Variants in TENT4A observed in about 807,000 individuals in gnomAD.
The protein encoded by TENT4A is DNA polymerase kappa.
In TENT4A, 7 loss-of-function variants were observed where a neutral mutation model predicts 72.8. The observed-to-expected ratio is 0.10, with a 90% CI of 0.05 to 0.18. TENT4A has a LOEUF of 0.18. Ranked by LOEUF, TENT4A falls within the 10% of genes least tolerant of loss-of-function variation. The probability of loss-of-function intolerance (pLI) is 1.00; values close to 1 mark genes in which losing one functional copy is unlikely to be tolerated. For synonymous variants in TENT4A, 456 were observed against 434.3 expected, an observed-to-expected ratio of 1.05 and a Z score of -0.62; for missense variants, 831 against 1,017.7, an observed-to-expected ratio of 0.82 and a Z score of 2.50.
chr5:6,752,904 G>A lies in TENT4A; in HGVS notation c.2051G>A (p.Gly684Glu). ...TTTACTATACCTCCACCGACCCTAG[G>A]GGTTGCTCCTGTTCCTTGCAGACAA... ...TRFTIPPPTL[G>E]VAPVPCRQAG... The change falls in exon 12 of 13, where the codon GGG (glycine) becomes GAG (glutamate). Residue 684 changes from glycine to glutamate, a missense_variant. By Grantham distance (98) the Gly-to-Glu change is moderately conservative. Around this residue, in one of 3 missense-constraint regions of TENT4A, gnomAD observed 332 missense variants for 324.3 expected, o/e 1.02. Transcript: ENST00000230859. 6.2e-7 allele frequency: 1 copy of A among 1,614,108 alleles called. No homozygotes were observed. Among genetic ancestry groups the A allele is most frequent in the South Asian group, 1.1e-5 (1 of 91,070 alleles).
At chr5:6,741,397 CGTGA>C (rs1415391405) in intron 4 of TENT4A, among the ~76,000 whole-genome samples, 3 of 151,994 alleles carry the variant, frequency 2.0e-5, no homozygotes, top group East Asian at 3.9e-4. Flanking sequence ...GGGTTCCTGC[CGTGA>C]GTGAGTGTGT....
chr5:6,746,196 G>T lies in TENT4A; in HGVS notation c.1246-18G>T, dbSNP rs368213842. 1 of 1,613,962 alleles carries T rather than the reference G, an allele frequency of 6.2e-7. No homozygotes were observed. Among genetic ancestry groups the T allele is most frequent in the African/African-American group, 1.3e-5 (1 of 74,930 alleles). ...ATGCCATGAATCCATACAAATTGTG[G>T]GTGCATTGCTTTTACAGTTGCATCC... On this transcript the variant is annotated intron_variant, in intron 6 of 12. Coordinates refer to ENST00000230859, the MANE Select transcript of TENT4A (RefSeq NM_006999.6).
intron 1 of TENT4A, among the ~76,000 whole-genome samples, chr5:6,724,399 A>G (rs1270436052): frequency 3.9e-5 from 6 of 152,218 alleles, no homozygotes; most frequent in Admixed American, 3.9e-4. Context: ...AATATAGAAA[A>G]GGATACCTTG....
At chr5:6,722,085 GCTCTTGA>G (rs1740682198) in intron 1 of TENT4A, among the ~76,000 whole-genome samples, 1 of 152,182 alleles carries the variant, frequency 6.6e-6, no homozygotes, top group South Asian at 2.1e-4. Context: ...CACGTGCTTG[GCTCTTGA>G]GAGCCTAGCT....
At chr5:6,747,547 T>C (rs907017820) in intron 7 of TENT4A, among the ~76,000 whole-genome samples, 1 of 152,216 alleles carries the variant, frequency 6.6e-6, no homozygotes, top group Non-Finnish European at 1.5e-5. Flanking sequence ...TTGTTGTTTA[T>C]AGATGGCATG....
At chr5:6,730,144 G>C (rs965341553) in intron 1 of TENT4A, among the ~76,000 whole-genome samples, 23 of 151,878 alleles carry the variant, frequency 1.5e-4, no homozygotes, top group Non-Finnish European at 1.9e-4. Flanking sequence ...TGCAGCATTT[G>C]CAGCGTGCTT....
intron 1 of TENT4A, among the ~76,000 whole-genome samples, chr5:6,726,900 A>C (rs989152895): frequency 6.6e-6 from 1 of 151,766 alleles, no homozygotes; most frequent in Non-Finnish European, 1.5e-5. Flanking sequence ...TTTTCTCTTG[A>C]GTCTTGGATA....
chr5:6,745,608 G>A (rs931933767), intron 6 of TENT4A, among the ~76,000 whole-genome samples: 1 of 152,206 alleles, frequency 6.6e-6, no homozygotes, highest in African/African-American at 2.4e-5. Context: ...GAGGTGTGGT[G>A]GACAGTGGTT....
intron 1 of TENT4A, among the ~76,000 whole-genome samples, chr5:6,725,194 A>G (rs534468858): frequency 5.5e-4 from 83 of 152,208 alleles, no homozygotes; most frequent in Middle Eastern, 3.4e-3. Flanking sequence ...GATGGCACGC[A>G]CCTGTAGTCC....
intron 1 of TENT4A, among the ~76,000 whole-genome samples, chr5:6,727,911 A>G (rs1741016920): frequency 6.6e-6 from 1 of 152,044 alleles, no homozygotes; most frequent in African/African-American, 2.4e-5. Flanking sequence ...CACGAATCCC[A>G]TCTGCTTGCT....
At chr5:6,726,651 T>C (rs556132043) in intron 1 of TENT4A, among the ~76,000 whole-genome samples, 2 of 152,288 alleles carry the variant, frequency 1.3e-5, no homozygotes, top group South Asian at 4.1e-4. Context: ...GAATCTGCCA[T>C]GTGCCTGGGT....
chr5:6,722,718 C>G (rs1278164358), intron 1 of TENT4A, among the ~76,000 whole-genome samples: 8 of 151,518 alleles, frequency 5.3e-5, no homozygotes, highest in Non-Finnish European at 1.2e-4. Flanking sequence ...TTTTTTATTT[C>G]TTGCACATAG....
At chr5:6,748,698 T>C in intron 8 of TENT4A, 108 bp downstream of exon 8, 2 of 1,157,498 alleles carry the variant, frequency 1.7e-6, no homozygotes, top group Non-Finnish European at 2.5e-6. Context: ...TGTTCTGCCG[T>C]ATTTCAGTAG....
At chr5:6,737,668 C>G (rs756305305) in intron 2 of TENT4A, 35 bp downstream of exon 2, 9 of 1,598,832 alleles carry the variant, frequency 5.6e-6, no homozygotes, top group African/African-American at 4.1e-5. Context: ...TGTCGCACGT[C>G]ACGTGCGAGT....
chr5:6,730,128 GGCATTTGCA>G (rs1180325024), intron 1 of TENT4A, among the ~76,000 whole-genome samples: 10 of 152,096 alleles, frequency 6.6e-5, no homozygotes, highest in Non-Finnish European at 1.3e-4. Context: ...GACCTTGCAT[GGCATTTGCA>G]GCATTTGCAG....
intron 1 of TENT4A, among the ~76,000 whole-genome samples, chr5:6,716,021 T>G (rs1176074394): frequency 6.6e-6 from 1 of 152,184 alleles, no homozygotes; most frequent in Non-Finnish European, 1.5e-5. Context: ...CAGCCTGTTA[T>G]GTAACTGGAA....
rs796077341 is a variant in TENT4A, at chr5:6,750,568, C to T, written c.1860+65C>T. 8.5e-5 allele frequency: 119 copies of T among 1,402,764 alleles called. 1 individual carries two copies. In the African/African-American group the frequency reaches 1.7e-3, roughly 19 times the overall value. The allele number at this position is 1,402,764 out of a possible 1,614,324, so 86.9% of individuals were successfully genotyped here. On this transcript the variant is annotated intron_variant, in intron 10 of 12. Coordinates refer to ENST00000230859, the MANE Select transcript of TENT4A (RefSeq NM_006999.6). ...TTGTGTCTCTGGTAAATGTCCATAG[C>T]CGCGAGCTTAAAATCTCCCCCTTGG...
At position 6,751,180 on chromosome 5, in the gene TENT4A, A is replaced by G. The variant is rs1379121971; in HGVS notation, c.2002A>G (p.Met668Val). Reference sequence around the variant, plus strand: ...GCCCACCACTTCCAGAACACTGATCATGACAACCAACAATCAGGTACGTGG... The same window carrying G: ...GCCCACCACTTCCAGAACACTGATCGTGACAACCAACAATCAGGTACGTGG... ...PQPTTSRTLIMTTNNQTRFTI... is the reference protein window; with the variant it reads ...PQPTTSRTLIVTTNNQTRFTI... The change falls in exon 11 of 13, where the codon ATG becomes GTG. Residue 668 changes from methionine to valine, a missense_variant. Physicochemically the swap from Met to Val is conservative, Grantham distance 21. Transcript: ENST00000230859. 17 of 1,614,104 alleles carry G rather than the reference A, an allele frequency of 1.1e-5. No homozygotes were observed. The highest frequency in any genetic ancestry group is 1.4e-5 in the Non-Finnish European group (16 of 1,180,044).
chr5:6,725,689 T>G (rs897724082), intron 1 of TENT4A, among the ~76,000 whole-genome samples: 11 of 152,222 alleles, frequency 7.2e-5, no homozygotes, highest in Non-Finnish European at 1.6e-4. Context: ...GTGGTTTGTT[T>G]TTTAAAGCAG....
Sources: allele counts gnomAD v4.1 joint callset (sites outside exome capture counted in the v4.1 genomes callset), GRCh38; gene constraint gnomAD v4.1.1; regional missense constraint gnomAD v4.1.1; transcripts MANE v1.5; gene names NCBI Gene and HGNC (gene_info 2026-07-23, HGNC 2026-07-21).